NPFFR1: variants seen among roughly 807,000 people sequenced by gnomAD.
The protein encoded by NPFFR1 is neuropeptide FF receptor 1, also known as G-protein coupled receptor 147.
A neutral mutation model predicts 12.7 loss-of-function variants in NPFFR1; 17 were observed. The observed-to-expected ratio is 1.34, with a 90% CI of 0.92 to 2.01. The LOEUF (loss-of-function observed/expected upper bound fraction) is 2.01. Among genes scored for constraint, NPFFR1 ranks in the 30% most tolerant of loss-of-function variants. The pLI is 0.00. For missense variants in NPFFR1, 604 were observed against 606.5 expected (o/e 1.00, Z 0.04); for synonymous variants, 296 against 264.5 (o/e 1.12, Z -1.16).
In NPFFR1 at chr10:70,266,885, G is replaced by A. The variant is rs78285669; in HGVS notation, c.8-494C>T. Among the ~76,000 whole-genome samples the A allele has an allele frequency of 6.1e-3, 936 of 152,310 alleles. 7 individuals are homozygous for A. Among genetic ancestry groups the A allele is most frequent in the African/African-American group, 0.021 (874 of 41,558 alleles). ...CTGTTTTTCCCTATAGCCACAGCCT[G>A]CTCCTATTGGGTGAGTCCCCTTTCA... On this transcript the variant is annotated intron_variant, in intron 1 of 3. Coordinates refer to ENST00000277942, the MANE Select transcript of NPFFR1 (RefSeq NM_022146.5).
intron 1 of NPFFR1, among the ~76,000 whole-genome samples, chr10:70,277,249 C>T (rs1840813649): frequency 6.6e-6 from 1 of 152,190 alleles, no homozygotes; most frequent in African/African-American, 2.4e-5. Flanking sequence ...AGCTGGAAAG[C>T]TAGACTTCAT....
chr10:70,274,920 G>T (rs1227037438), intron 1 of NPFFR1, among the ~76,000 whole-genome samples: 2 of 152,232 alleles, frequency 1.3e-5, no homozygotes, highest in Non-Finnish European at 2.9e-5. Context: ...GCTTAGGAAA[G>T]TAAAAAGTGG....
Position 70,255,543 on chromosome 10 carries a change from T to C in NPFFR1, c.707A>G (p.Tyr236Cys), listed in dbSNP as rs1048172532. ...GCAGAGCTTGCGCGCGATGCGGGCG[T>C]ACATGACCACGATGAGCGCCAGCGG... ...LAPLALIVVM[Y>C]ARIARKLCQA... The change falls in exon 4 of 4, where the codon TAC (tyrosine) becomes TGC (cysteine). Residue 236 changes from tyrosine (Y) to cysteine (C), a missense_variant. Coordinates refer to ENST00000277942, the MANE Select transcript of NPFFR1 (RefSeq NM_022146.5). This position sits in a 1 kb window ranked among gnomAD's most constrained non-coding sequence, Gnocchi z 4.2. The C allele has an allele frequency of 1.9e-6, 3 of 1,550,316 alleles. No homozygotes were observed. The highest frequency in any genetic ancestry group is 2.6e-6 in the Non-Finnish European group (3 of 1,146,716).
At chr10:70,281,904 CGTT>C (rs775599803) in intron 1 of NPFFR1, among the ~76,000 whole-genome samples, 5 of 152,158 alleles carry the variant, frequency 3.3e-5, no homozygotes, top group African/African-American at 7.2e-5. Context: ...TGAGGGAGTG[CGTT>C]GTTGTCTCCT....
chr10:70,277,669 G>T (rs917965636), intron 1 of NPFFR1, among the ~76,000 whole-genome samples: 17 of 152,166 alleles, frequency 1.1e-4, no homozygotes, highest in Admixed American at 1.0e-3. Context: ...CAGCCTTTGG[G>T]CCTCTCTCAG....
At chr10:70,268,440 A>G (rs961530381) in intron 1 of NPFFR1, among the ~76,000 whole-genome samples, 1 of 152,138 alleles carries the variant, frequency 6.6e-6, no homozygotes, top group African/African-American at 2.4e-5. Context: ...TGTTTCTATT[A>G]CCTATTATTA....
chr10:70,262,050 A>T lies in NPFFR1; in HGVS notation c.323-1311T>A, dbSNP rs188296793. ...GTACCAAAGAAATACAGAAAAGATAAATCAGAATAATGAGATTAGCTATCC... is the reference window on the plus strand; with the variant it reads ...GTACCAAAGAAATACAGAAAAGATATATCAGAATAATGAGATTAGCTATCC... On this transcript the variant is annotated intron_variant, in intron 2 of 3. Coordinates refer to ENST00000277942, the MANE Select transcript of NPFFR1 (RefSeq NM_022146.5). Among the ~76,000 whole-genome samples, 497 of 152,362 alleles carry T rather than the reference A, an allele frequency of 3.3e-3. 1 individual carries two copies. The highest frequency in any genetic ancestry group is 5.6e-3 in the Non-Finnish European group (382 of 68,040).
chr10:70,269,438 T>C (rs1423182817), intron 1 of NPFFR1, among the ~76,000 whole-genome samples: 1 of 152,094 alleles, frequency 6.6e-6, no homozygotes, highest in Non-Finnish European at 1.5e-5. Flanking sequence ...ATTACAGGCA[T>C]GAGCCACTGT....
At chr10:70,273,834 G>C (rs1210081687) in intron 1 of NPFFR1, among the ~76,000 whole-genome samples, 3 of 152,166 alleles carry the variant, frequency 2.0e-5, no homozygotes, top group Non-Finnish European at 2.9e-5. Flanking sequence ...TATAACCCTA[G>C]TGTCTTGGTG....
In NPFFR1 at chr10:70,251,301, TA is replaced by T. The variant is rs1468009481; in HGVS notation, c.*3655del. The T allele has an allele frequency of 2.6e-5, 4 of 152,386 alleles. No homozygotes were observed. Among genetic ancestry groups the T allele is most frequent in the Admixed American group, 1.3e-4 (2 of 15,288 alleles). The allele number at this position is 152,386 out of a possible 1,614,324, so 9.4% of individuals were successfully genotyped here. ...GGATGAATACACAGTAGACTAATGATAGGGGGGCTCTCATCTTCCTTTGCCA... is the reference window on the plus strand; with the variant it reads ...GGATGAATACACAGTAGACTAATGATGGGGGGCTCTCATCTTCCTTTGCCA... On this transcript the variant is annotated 3_prime_UTR_variant, in exon 4 of 4. Coordinates refer to ENST00000277942, the MANE Select transcript of NPFFR1 (RefSeq NM_022146.5).
chr10:70,267,421 T>C (rs549507718), intron 1 of NPFFR1, among the ~76,000 whole-genome samples: 2 of 139,114 alleles, frequency 1.4e-5, no homozygotes, highest in South Asian at 5.3e-4. Context: ...TTGTTTTCTT[T>C]TGTATTTTTT....
chr10:70,266,523 G>C (rs3812697), intron 1 of NPFFR1, 132 bp from the exon 2 acceptor site: 202,797 of 695,310 alleles, frequency 0.29, 32,470 homozygotes, highest in South Asian at 0.43. Flanking sequence ...CCCAGCTCCA[G>C]TTGCAACTTG....
In NPFFR1 at chr10:70,283,813, C is replaced by A. The variant is rs1840886895; in HGVS notation, c.-137G>T. 2 of 978,320 alleles carry A rather than the reference C, an allele frequency of 2.0e-6. No individual in the cohort carries two copies. The highest frequency in any genetic ancestry group is 1.6e-5 in the African/African-American group (1 of 62,514). The allele number at this position is 978,320 out of a possible 1,614,324, so 60.6% of individuals were successfully genotyped here. A position where few individuals can be genotyped will look rare whatever the true frequency, so the allele number is the denominator to read the frequency against. The stretch of plus-strand genomic sequence containing the variant: ...TGCCTCCGCGCTCCGCAGGTCCGGT[C>A]GGTCCGGGCAGAGGTGAGCAGGGGG... On this transcript the variant is annotated 5_prime_UTR_variant, in exon 1 of 4. Transcript: ENST00000277942.
chr10:70,275,040 A>T (rs912437095), intron 1 of NPFFR1, among the ~76,000 whole-genome samples: 5 of 152,216 alleles, frequency 3.3e-5, no homozygotes, highest in African/African-American at 1.2e-4. Context: ...CACCACAGCA[A>T]CATGGATTCT....
At chr10:70,276,211 A>G (rs890597374) in intron 1 of NPFFR1, among the ~76,000 whole-genome samples, 1 of 152,354 alleles carries the variant, frequency 6.6e-6, no homozygotes, top group African/African-American at 2.4e-5. Flanking sequence ...CCAGGCATAC[A>G]GTGGCCAAAG....
In NPFFR1 at chr10:70,254,013, G is replaced by A. The variant is rs1211244134; in HGVS notation, c.*944C>T. ...CCAACTTCTCCCTCCCAGGAAGCAG[G>A]GAGGAGAGAGACCTTGGGCAAGGCT... On this transcript the variant is annotated 3_prime_UTR_variant, in exon 4 of 4. Transcript: ENST00000277942. 1 of 152,222 alleles carries A rather than the reference G, an allele frequency of 6.6e-6. No homozygotes were observed. The highest frequency in any genetic ancestry group is 2.4e-5 in the African/African-American group (1 of 41,444). 9.4% of individuals were successfully genotyped at this position (152,222 alleles called of 1,614,324 possible). A position where few individuals can be genotyped will look rare whatever the true frequency, so the allele number is the denominator to read the frequency against.
intron 1 of NPFFR1, among the ~76,000 whole-genome samples, chr10:70,277,285 C>T (rs1840814010): frequency 6.6e-6 from 1 of 152,202 alleles, no homozygotes; most frequent in African/African-American, 2.4e-5. Flanking sequence ...ACAGTGTCCC[C>T]AGAATCTAGA....
At chr10:70,260,461 C>T (rs548003856) in intron 3 of NPFFR1, among the ~76,000 whole-genome samples, 179 bp downstream of exon 3, 1 of 152,320 alleles carries the variant, frequency 6.6e-6, no homozygotes, top group Admixed American at 6.5e-5. Flanking sequence ...TCATCAGGTT[C>T]CCCAAGTTTA....
chr10:70,271,512 CAAATAAA>C (rs1026514268), intron 1 of NPFFR1, among the ~76,000 whole-genome samples: 7 of 151,922 alleles, frequency 4.6e-5, no homozygotes, highest in African/African-American at 1.4e-4. Context: ...GACTCTTTCT[CAAATAAA>C]AAATAAAAAA....
Sources: gnomAD v4.1 joint callset for allele counts (sites outside exome capture counted in the v4.1 genomes callset) on GRCh38, gnomAD v4.1.1 for gene constraint, Gnocchi (gnomAD v3.1) non-coding constraint, MANE v1.5 for transcripts, NCBI Gene and HGNC (gene_info 2026-07-23, HGNC 2026-07-21) for gene names.